OSBPL9: variants seen among roughly 807,000 people sequenced by gnomAD.
OSBPL9 encodes oxysterol binding protein like 9, also known as oxysterol-binding protein-related protein 9.
A neutral mutation model predicts 106.6 loss-of-function variants in OSBPL9; 40 were observed. That is an observed-to-expected ratio of 0.38 (90% CI 0.29 to 0.49). OSBPL9 has a LOEUF of 0.49. Ranked by LOEUF, OSBPL9 falls within the 20% of genes least tolerant of loss-of-function variation. The pLI is 0.97. For missense variants in OSBPL9, 609 were observed against 887.2 expected (o/e 0.69, Z 3.98); for synonymous variants, 269 against 295.4 (o/e 0.91, Z 0.92).
chr1:51,683,345 T>G (rs1233221234), intron 3 of OSBPL9, among the ~76,000 whole-genome samples: 1 of 151,648 alleles, frequency 6.6e-6, no homozygotes, highest in Non-Finnish European at 1.5e-5. Flanking sequence ...TATGCCCAGC[T>G]AACTTTGTAT....
chr1:51,593,004 G>A (rs1190576645), intron 1 of OSBPL9, among the ~76,000 whole-genome samples: 2 of 152,168 alleles, frequency 1.3e-5, no homozygotes, highest in African/African-American at 4.8e-5. Context: ...AATCCATCAG[G>A]AAGTAGGGGA....
chr1:51,703,380 A>G (rs1657733111), intron 3 of OSBPL9, among the ~76,000 whole-genome samples: 1 of 152,136 alleles, frequency 6.6e-6, no homozygotes, highest in Non-Finnish European at 1.5e-5. Context: ...TTGGATTCCT[A>G]GGTATTTTAT....
chr1:51,759,477 T>C (rs1306220712), intron 9 of OSBPL9: 1 of 152,212 alleles, frequency 6.6e-6, no homozygotes, highest in East Asian at 1.9e-4. Flanking sequence ...TTTTTGGGCT[T>C]ATTTATTGGC....
intron 6 of OSBPL9, among the ~76,000 whole-genome samples, chr1:51,747,569 T>TC (rs1234391623): frequency 1.3e-5 from 2 of 148,222 alleles, no homozygotes; most frequent in Non-Finnish European, 3.0e-5. Context: ...TTTTTTTTTT[T>TC]TTTTTTTTGC....
chr1:51,677,130 A>G (rs1317708062), intron 3 of OSBPL9, among the ~76,000 whole-genome samples: 1 of 152,230 alleles, frequency 6.6e-6, no homozygotes, highest in Admixed American at 6.5e-5. Flanking sequence ...ATAGAGGGTC[A>G]GCATCACCTG....
At chr1:51,637,298 C>G (rs1266249545) in intron 1 of OSBPL9, among the ~76,000 whole-genome samples, 1 of 152,126 alleles carries the variant, frequency 6.6e-6, no homozygotes, top group Non-Finnish European at 1.5e-5. Flanking sequence ...CAAGAACAGC[C>G]TGACTAACAT....
intron 3 of OSBPL9, among the ~76,000 whole-genome samples, chr1:51,697,180 GAAAGAAA>G (rs111515973): frequency 1.3e-5 from 2 of 150,532 alleles, no homozygotes; most frequent in African/African-American, 4.9e-5. Context: ...AAAAAAAAAA[GAAAGAAA>G]AAAGAAAAAA....
chr1:51,718,686 T>A (rs1661515455), intron 4 of OSBPL9, among the ~76,000 whole-genome samples: 1 of 152,168 alleles, frequency 6.6e-6, no homozygotes, highest in South Asian at 2.1e-4. Context: ...GGGTATCTGT[T>A]ACGATTTAGT....
At chr1:51,679,432 A>T (rs1652025883) in intron 3 of OSBPL9, among the ~76,000 whole-genome samples, 1 of 152,252 alleles carries the variant, frequency 6.6e-6, no homozygotes, top group African/African-American at 2.4e-5. Flanking sequence ...ATAATCATTC[A>T]TAATCCTACC....
chr1:51,586,306 T>C (rs1645247254), intron 1 of OSBPL9, among the ~76,000 whole-genome samples: 1 of 152,102 alleles, frequency 6.6e-6, no homozygotes. Context: ...CTTCTATTCT[T>C]TTTTTATGCA....
chr1:51,744,058 G>C (rs1349104662), intron 4 of OSBPL9, among the ~76,000 whole-genome samples: 1 of 151,796 alleles, frequency 6.6e-6, no homozygotes, highest in African/African-American at 2.4e-5. Flanking sequence ...TTCTTGATAT[G>C]TATGTAAAAT....
intron 3 of OSBPL9, among the ~76,000 whole-genome samples, chr1:51,677,118 G>A (rs767166749): frequency 9.9e-5 from 15 of 152,180 alleles, no homozygotes; most frequent in Non-Finnish European, 1.3e-4. Flanking sequence ...TGTGGTTCTC[G>A]AATAGAGGGT....
chr1:51,776,747 T>G, intron 14 of OSBPL9, 86 bp from the exon 15 acceptor site: 2 of 916,676 alleles, frequency 2.2e-6, no homozygotes, highest in Non-Finnish European at 3.4e-6. Context: ...GAGGTGGTGT[T>G]TTGTTTTGTT....
intron 2 of OSBPL9, among the ~76,000 whole-genome samples, chr1:51,611,848 G>A (rs540570489): frequency 3.5e-4 from 54 of 152,240 alleles, no homozygotes; most frequent in Non-Finnish European, 6.6e-4. Context: ...GGTGGCGGGC[G>A]CCTGTAGTCC....
rs1184400335 is a variant in OSBPL9 at position 51,681,018 on chromosome 1, A to AT, written c.241+11513dup. Among the ~76,000 whole-genome samples, 4 of 152,022 alleles carry AT rather than the reference A, an allele frequency of 2.6e-5. No homozygotes were observed. In the South Asian group the frequency reaches 8.3e-4, roughly 32 times the overall value. On this transcript the variant is annotated intron_variant, in intron 3 of 23. Coordinates refer to ENST00000428468, the MANE Select transcript of OSBPL9 (RefSeq NM_024586.6). ...TGTTTACTTGTTTACTCCTTTGACCATTTTTTTGTTGTTGTTCATCTTTTT... is the reference window on the plus strand; with the variant it reads ...TGTTTACTTGTTTACTCCTTTGACCATTTTTTTTGTTGTTGTTCATCTTTTT...
At chr1:51,549,241 C>A in the OSBPL9 span, among the ~76,000 whole-genome samples, 1 of 152,216 alleles carries the variant, frequency 6.6e-6, no homozygotes, top group Non-Finnish European at 1.5e-5. Context: ...ACATCCCCTT[C>A]TCCTTTGGGC....
the OSBPL9 span, among the ~76,000 whole-genome samples, chr1:51,552,974 AAAAC>A: frequency 6.6e-6 from 1 of 152,102 alleles, no homozygotes; most frequent in African/African-American, 2.4e-5. Context: ...TTTAAAAAAA[AAAAC>A]AAACTTTTTT....
At position 51,788,003 on chromosome 1, in the gene OSBPL9, A is replaced by G. The variant is rs979039354; in HGVS notation, c.*214A>G. The G allele has an allele frequency of 5.8e-6, 3 of 516,724 alleles. No individual in the cohort carries two copies. The African/African-American group carries it at 5.8e-5, about 10-fold the overall frequency. The allele number at this position is 516,724 out of a possible 1,614,324, so 32.0% of individuals were successfully genotyped here. On this transcript the variant is annotated 3_prime_UTR_variant, in exon 24 of 24. Coordinates refer to ENST00000428468, the MANE Select transcript of OSBPL9 (RefSeq NM_024586.6). ...AGTTACGATTTTGACTTCAGTCCTG[A>G]GAAAAACTTCAGGTTTTGAAAATCA...
At chr1:51,555,925 A>G in the OSBPL9 span, among the ~76,000 whole-genome samples, 2 of 152,174 alleles carry the variant, frequency 1.3e-5, no homozygotes, top group Admixed American at 6.6e-5. Flanking sequence ...TTAAAATAAC[A>G]TTTTTAATAT....
Sources: allele counts gnomAD v4.1 joint callset (sites outside exome capture counted in the v4.1 genomes callset), GRCh38; gene constraint gnomAD v4.1.1; transcripts MANE v1.5; gene names NCBI Gene and HGNC (gene_info 2026-07-23, HGNC 2026-07-21).